Variants in SERP1 observed in about 807,000 individuals in gnomAD.
The protein encoded by SERP1 is stress associated endoplasmic reticulum protein 1.
Under a neutral mutation model 8.8 loss-of-function variants are expected in SERP1, and 6 were observed. The ratio of observed to expected loss-of-function variants is 0.68; its 90% CI spans 0.37 to 1.35. The LOEUF (loss-of-function observed/expected upper bound fraction) is 1.35, where lower values mean the gene tolerates loss of function less well. Among genes scored for constraint, SERP1 ranks in the 40% most tolerant of loss-of-function variants. SERP1 has a pLI of 0.02. For missense variants in SERP1, 52 were observed against 86.2 expected, an observed-to-expected ratio of 0.60 and a Z score of 1.57; for synonymous variants, 36 against 28.7, an observed-to-expected ratio of 1.25 and a Z score of -0.81.
Position 150,546,377 on chromosome 3 carries a change from G to T in SERP1, c.-242C>A. ...GCAGGTGCGCAGGAGGAAGAGAACT[G>T]GCCGCCGGGTCGTTCTCGCGCCGCC... On this transcript the variant is annotated 5_prime_UTR_variant, in exon 1 of 3. Coordinates refer to ENST00000239944, the MANE Select transcript of SERP1 (RefSeq NM_014445.4). 1.8e-6 allele frequency: 1 copy of T among 567,018 alleles called. No individual in the cohort carries two copies. Among genetic ancestry groups the T allele is most frequent in the South Asian group, 2.2e-5 (1 of 44,980 alleles). The allele number at this position is 567,018 out of a possible 1,614,324, so 35.1% of individuals were successfully genotyped here.
chr3:150,546,035 G>T lies in SERP1; in HGVS notation c.84+17C>A. On this transcript the variant is annotated intron_variant, in intron 1 of 2. Coordinates refer to ENST00000239944, the MANE Select transcript of SERP1 (RefSeq NM_014445.4). ...CTCCGGCTGCGGAACGCAGAGGGGC[G>T]CCCGCTCTTTCCTTACCGAGGTCTT... 1 of 1,612,934 alleles carries T rather than the reference G, an allele frequency of 6.2e-7. No individual in the cohort carries two copies. The highest frequency in any genetic ancestry group is 1.1e-5 in the South Asian group (1 of 91,056).
chr3:150,543,382 A>C lies in SERP1; in HGVS notation c.*1076T>G, dbSNP rs922224173. ...ACAAAGGGAAGACTAAAGACTGATC[A>C]TTATCAGTAAATCCATTCAATTCCA... is the stretch of plus-strand genomic sequence containing the variant. On this transcript the variant is annotated 3_prime_UTR_variant, in exon 3 of 3. Coordinates refer to ENST00000239944, the MANE Select transcript of SERP1 (RefSeq NM_014445.4). 1.2e-4 allele frequency: 19 copies of C among 152,658 alleles called. No homozygotes were observed. Among genetic ancestry groups the C allele is most frequent in the African/African-American group, 4.6e-4 (19 of 41,464 alleles). 9.5% of individuals were successfully genotyped at this position (152,658 alleles called of 1,614,324 possible).
At chr3:150,545,326 A>T (rs1237597241) in intron 2 of SERP1, 1 of 331,458 alleles carries the variant, frequency 3.0e-6, no homozygotes, top group Non-Finnish European at 5.4e-6. Context: ...TATATGTTAA[A>T]TCAAGTTCTA....
In SERP1 at chr3:150,544,425, C is replaced by T. The variant is rs370298193; in HGVS notation, c.*33G>A. ...AGGAATGAGTTCAAGTTAAAATTCA[C>T]AGGAGAATGGAAACATCTTAAGGTC... On this transcript the variant is annotated 3_prime_UTR_variant, in exon 3 of 3. Transcript: ENST00000239944. 12 of 1,597,290 alleles carry T rather than the reference C, an allele frequency of 7.5e-6. No individual in the cohort carries two copies. Among genetic ancestry groups the T allele is most frequent in the Non-Finnish European group, 1.0e-5 (12 of 1,165,362 alleles).
chr3:150,544,359 G>C lies in SERP1; in HGVS notation c.*99C>G. On this transcript the variant is annotated 3_prime_UTR_variant, in exon 3 of 3. Transcript: ENST00000239944. ...TGATAGGAAAGTCATTCTGAGGCAG[G>C]ATGCTTTACTGAATTGTTTTCAACC... 9.4e-7 allele frequency: 1 copy of C among 1,059,688 alleles called. No individual in the cohort carries two copies. Among genetic ancestry groups the C allele is most frequent in the Non-Finnish European group, 1.5e-6 (1 of 683,210 alleles). 65.6% of individuals were successfully genotyped at this position (1,059,688 alleles called of 1,614,324 possible).
rs762594809 is a variant in SERP1, at chr3:150,542,494, G to A, written c.*1964C>T. On this transcript the variant is annotated 3_prime_UTR_variant, in exon 3 of 3. Transcript: ENST00000239944. ...CTCAGATAACTGTAAAATCATTTCC[G>A]TTTAGAAGAAAAGCATCAAATATTC... is the stretch of plus-strand genomic sequence containing the variant. 2.6e-5 allele frequency: 4 copies of A among 152,044 alleles called. No individual in the cohort carries two copies. Among genetic ancestry groups the A allele is most frequent in the East Asian group, 3.9e-4 (2 of 5,194 alleles). 9.4% of individuals were successfully genotyped at this position (152,044 alleles called of 1,614,324 possible).
rs140529545 is a variant in SERP1, at chr3:150,544,919, T to C, written c.161-421A>G. Among the ~76,000 whole-genome samples, 4 of 152,314 alleles carry C rather than the reference T, an allele frequency of 2.6e-5. No homozygotes were observed. The East Asian group carries it at 7.7e-4, about 29-fold the overall frequency. On this transcript the variant is annotated intron_variant, in intron 2 of 2. Coordinates refer to ENST00000239944, the MANE Select transcript of SERP1 (RefSeq NM_014445.4). The stretch of plus-strand genomic sequence containing the variant: ...CTTCAGGTTATATAAACTGCTTGGC[T>C]CTCATCCATTTATCAGGAAAGCTTC...
rs1055044923 is a variant in SERP1, at chr3:150,543,562, T to C, written c.*896A>G. The C allele has an allele frequency of 2.6e-5, 4 of 152,602 alleles. No homozygotes were observed. Among genetic ancestry groups the C allele is most frequent in the African/African-American group, 4.8e-5 (2 of 41,454 alleles). The allele number at this position is 152,602 out of a possible 1,614,324, so 9.5% of individuals were successfully genotyped here. A position where few individuals can be genotyped will look rare whatever the true frequency, so the allele number is the denominator to read the frequency against. On this transcript the variant is annotated 3_prime_UTR_variant, in exon 3 of 3. Coordinates refer to ENST00000239944, the MANE Select transcript of SERP1 (RefSeq NM_014445.4). The stretch of plus-strand genomic sequence containing the variant: ...ACATGCTAAAATGTCTTATGGCACA[T>C]TGGACTCAACAGCATGTTCTGATGA...
chr3:150,545,675 AC>A, intron 2 of SERP1, 27 bp downstream of exon 2: 2 of 1,586,420 alleles, frequency 1.3e-6, no homozygotes, highest in Non-Finnish European at 1.7e-6. Flanking sequence ...CCAAGACTCT[AC>A]CTGATGGGAG....
intron 2 of SERP1, 119 bp downstream of exon 2, chr3:150,545,584 A>G: frequency 2.2e-6 from 2 of 896,446 alleles, no homozygotes; most frequent in Non-Finnish European, 3.6e-6. Flanking sequence ...AATTATGTGG[A>G]GTCCTCGGCA....
intron 1 of SERP1, 70 bp downstream of exon 1, chr3:150,545,982 C>T: frequency 6.3e-7 from 1 of 1,589,110 alleles, no homozygotes; most frequent in Non-Finnish European, 8.6e-7. Context: ...GGAGAAAACG[C>T]GACGCGGCCC....
rs751942266 is a variant in SERP1, at chr3:150,542,578, A to G, written c.*1880T>C. ...AGACACAGCTTTCGTTTACCTAAAC[A>G]TGCATAATCCAACCTGAATATAAAC... On this transcript the variant is annotated 3_prime_UTR_variant, in exon 3 of 3. Coordinates refer to ENST00000239944, the MANE Select transcript of SERP1 (RefSeq NM_014445.4). 29 of 152,274 alleles carry G rather than the reference A, an allele frequency of 1.9e-4. No homozygotes were observed. The highest frequency in any genetic ancestry group is 6.5e-5 in the Admixed American group (1 of 15,288). The allele number at this position is 152,274 out of a possible 1,614,324, so 9.4% of individuals were successfully genotyped here.
chr3:150,543,782 T>C lies in SERP1; in HGVS notation c.*676A>G, dbSNP rs1297089714. ...AGAAAACGATCAAGTTTTTTTTTTA[T>C]GGCATCTTGGGTTACTATACTCACT... On this transcript the variant is annotated 3_prime_UTR_variant, in exon 3 of 3. Coordinates refer to ENST00000239944, the MANE Select transcript of SERP1 (RefSeq NM_014445.4). 6.6e-6 allele frequency: 1 copy of C among 151,798 alleles called. No homozygotes were observed. Among genetic ancestry groups the C allele is most frequent in the Non-Finnish European group, 1.5e-5 (1 of 67,930 alleles). The allele number at this position is 151,798 out of a possible 1,614,324, so 9.4% of individuals were successfully genotyped here. A position where few individuals can be genotyped will look rare whatever the true frequency, so the allele number is the denominator to read the frequency against.
chr3:150,546,314 A>T lies in SERP1; in HGVS notation c.-179T>A, dbSNP rs1576582600. 4.6e-6 allele frequency: 3 copies of T among 657,004 alleles called. No homozygotes were observed. The East Asian group carries it at 9.0e-5, about 20-fold the overall frequency. 40.7% of individuals were successfully genotyped at this position (657,004 alleles called of 1,614,324 possible). On this transcript the variant is annotated 5_prime_UTR_variant, in exon 1 of 3. Transcript: ENST00000239944. ...CGCCGCAAGCGCGAGGTCTGAGCAC[A>T]AGCCGGGCGCCGGCCGCCGACTGAC... is the stretch of plus-strand genomic sequence containing the variant.
Position 150,542,938 on chromosome 3 carries a change from C to T in SERP1, c.*1520G>A, listed in dbSNP as rs1722904634. 1 of 152,536 alleles carries T rather than the reference C, an allele frequency of 6.6e-6. No homozygotes were observed. Among genetic ancestry groups the T allele is most frequent in the Admixed American group, 6.5e-5 (1 of 15,280 alleles). 9.4% of individuals were successfully genotyped at this position (152,536 alleles called of 1,614,324 possible). ...AGGCAAGTAACAATTTAGTTAAAAA[C>T]CTGCTGGCCCAAGGTCAGTTGATTC... is the stretch of plus-strand genomic sequence containing the variant. On this transcript the variant is annotated 3_prime_UTR_variant, in exon 3 of 3. Coordinates refer to ENST00000239944, the MANE Select transcript of SERP1 (RefSeq NM_014445.4).
chr3:150,545,674 T>C, intron 2 of SERP1, 29 bp downstream of exon 2: 2 of 1,585,880 alleles, frequency 1.3e-6, no homozygotes, highest in Non-Finnish European at 1.7e-6. Flanking sequence ...CCCAAGACTC[T>C]ACCTGATGGG....
At chr3:150,544,915 T>C (rs1360786534) in intron 2 of SERP1, among the ~76,000 whole-genome samples, 1 of 152,260 alleles carries the variant, frequency 6.6e-6, no homozygotes, top group East Asian at 1.9e-4. Context: ...ATAAACTGCT[T>C]GGCTCTCATC....
Position 150,544,303 on chromosome 3 carries a change from A to G in SERP1, c.*155T>C, listed in dbSNP as rs1485738670. 3 of 697,288 alleles carry G rather than the reference A, an allele frequency of 4.3e-6. No individual in the cohort carries two copies. Among genetic ancestry groups the G allele is most frequent in the East Asian group, 5.2e-5 (2 of 38,252 alleles). The allele number at this position is 697,288 out of a possible 1,614,324, so 43.2% of individuals were successfully genotyped here. On this transcript the variant is annotated 3_prime_UTR_variant, in exon 3 of 3. Coordinates refer to ENST00000239944, the MANE Select transcript of SERP1 (RefSeq NM_014445.4). ...TGGACTAGAAAACTTGGAATGACTC[A>G]TGAAGAAACCTTGGAATGACACATG...
At position 150,546,321 on chromosome 3, in the gene SERP1, GCGCCGGC is replaced by G; in HGVS notation, c.-193_-187del. ...AGCGCGAGGTCTGAGCACAAGCCGG[GCGCCGGC>G]CGCCGACTGACTGACCGAGCGGGGC... On this transcript the variant is annotated 5_prime_UTR_variant, in exon 1 of 3. Coordinates refer to ENST00000239944, the MANE Select transcript of SERP1 (RefSeq NM_014445.4). The G allele has an allele frequency of 1.6e-6, 1 of 628,576 alleles. No individual in the cohort carries two copies. 38.9% of individuals were successfully genotyped at this position (628,576 alleles called of 1,614,324 possible).
Sources: allele counts gnomAD v4.1 joint callset (sites outside exome capture counted in the v4.1 genomes callset), GRCh38; gene constraint gnomAD v4.1.1; transcripts MANE v1.5; gene names NCBI Gene and HGNC (gene_info 2026-07-23, HGNC 2026-07-21).